Variants in CACNA1B observed in about 807,000 individuals in gnomAD.
CACNA1B encodes calcium voltage-gated channel subunit alpha1 B, also known as voltage-dependent N-type calcium channel subunit alpha-1B.
CACNA1B carries 70 observed loss-of-function variants against 247.2 expected under a neutral mutation model. The ratio of observed to expected loss-of-function variants is 0.28; its 90% CI spans 0.23 to 0.35. CACNA1B has a LOEUF of 0.35. Ranked by LOEUF, CACNA1B falls within the 10% of genes least tolerant of loss-of-function variation. The pLI is 1.00. For synonymous variants in CACNA1B, 1,231 were observed against 1,294.4 expected, an observed-to-expected ratio of 0.95 and a Z score of 1.05; for missense variants, 2,367 against 3,197.4, an observed-to-expected ratio of 0.74 and a Z score of 6.26.
chr9:138,058,218 G>A lies in CACNA1B; in HGVS notation c.4276G>A (p.Val1426Met), dbSNP rs2133503903. The A allele has an allele frequency of 6.2e-7, 1 of 1,614,016 alleles. No individual in the cohort carries two copies. The highest frequency in any genetic ancestry group is 1.1e-5 in the South Asian group (1 of 91,092). Residue 1426 changes from valine to methionine, a missense_variant, in exon 28 of 47, where the codon GTG becomes ATG. Coordinates refer to ENST00000371372, the MANE Select transcript of CACNA1B (RefSeq NM_000718.4). The surrounding 1 kb of genome is among the most constrained non-coding windows in gnomAD (Gnocchi z 4.7). ...IITFQEQGDK[V>M]MSECSLEKNE... ...CACCTTCCAGGAGCAGGGGGACAAG[G>A]TGATGTCTGAATGCAGCCTGGAGAA...
intron 6 of CACNA1B, among the ~76,000 whole-genome samples, chr9:137,921,411 A>G (rs900210805): frequency 6.6e-6 from 1 of 151,614 alleles, no homozygotes; most frequent in Non-Finnish European, 1.5e-5. Context: ...TTCGGAGAAC[A>G]TGGTCAGCAC....
chr9:137,993,283 T>A (rs894572783), intron 15 of CACNA1B, among the ~76,000 whole-genome samples: 2 of 151,988 alleles, frequency 1.3e-5, no homozygotes, highest in African/African-American at 4.8e-5. Flanking sequence ...TAAATTTTTT[T>A]AGTTAAAATT....
Position 137,984,131 on chromosome 9 carries a change from G to C in CACNA1B, c.1657-7G>C. 6.3e-7 allele frequency: 1 copy of C among 1,584,392 alleles called. No individual in the cohort carries two copies. The highest frequency in any genetic ancestry group is 1.2e-5 in the South Asian group (1 of 86,474). ...GTGCACCCAAGGCTAATGCCATCCC[G>C]TTGCAGGTCATCGTGGGGAGCGTCT... On this transcript the variant is annotated splice_region_variant and splice_polypyrimidine_tract_variant and intron_variant, in intron 12 of 46. Transcript: ENST00000371372.
intron 20 of CACNA1B, among the ~76,000 whole-genome samples, chr9:138,041,092 T>C (rs886738179): frequency 6.6e-6 from 1 of 152,216 alleles, no homozygotes; most frequent in Non-Finnish European, 1.5e-5. Flanking sequence ...GTGGGGACTC[T>C]GTAGGCCAAC....
chr9:137,955,714 C>A lies in CACNA1B; in HGVS notation c.1087C>A (p.Arg363=). Residue 363 remains arginine (R), a synonymous_variant, in exon 8 of 47, where the codon CGA becomes AGA. Transcript: ENST00000371372. The surrounding 1 kb of genome is among the most constrained non-coding windows in gnomAD (Gnocchi z 6.9). ...GVLSGEFAKE[R]ERVENRRAFL... The stretch of plus-strand genomic sequence containing the variant: ...GCATGGTAGGGAGTTTGCCAAGGAG[C>A]GAGAGAGGGTGGAGAACCGCCGCGC... 6.2e-7 allele frequency: 1 copy of A among 1,611,882 alleles called. No individual in the cohort carries two copies. The highest frequency in any genetic ancestry group is 8.5e-7 in the Non-Finnish European group (1 of 1,178,830).
intron 15 of CACNA1B, among the ~76,000 whole-genome samples, chr9:137,988,181 C>T (rs1174391530): frequency 6.6e-6 from 1 of 152,214 alleles, no homozygotes; most frequent in Admixed American, 6.5e-5. Flanking sequence ...GGTCTCCCAG[C>T]CACACGACGG....
intron 6 of CACNA1B, among the ~76,000 whole-genome samples, chr9:137,929,357 C>G (rs1387963563): frequency 6.6e-6 from 1 of 151,198 alleles, no homozygotes; most frequent in Admixed American, 6.6e-5. Context: ...AATTTGAGAC[C>G]AGCCTGGGCA....
At chr9:138,117,869 G>T in intron 42 of CACNA1B, 77 bp from the exon 43 acceptor site, 1 of 1,212,404 alleles carries the variant, frequency 8.2e-7, no homozygotes, top group Non-Finnish European at 1.1e-6. Context: ...ACGCCTGGCA[G>T]GTTGAAGCAC....
At chr9:137,929,767 C>A (rs968255621) in intron 6 of CACNA1B, among the ~76,000 whole-genome samples, 2 of 151,994 alleles carry the variant, frequency 1.3e-5, no homozygotes, top group African/African-American at 4.8e-5. Context: ...ATCCTCCCAC[C>A]TCAGCTTGGG....
chr9:137,963,822 C>G (rs1275034554), intron 10 of CACNA1B, among the ~76,000 whole-genome samples: 1 of 152,144 alleles, frequency 6.6e-6, no homozygotes, highest in African/African-American at 2.4e-5. Flanking sequence ...GTTTTTGCAG[C>G]GGCTAGTAAT....
intron 37 of CACNA1B, among the ~76,000 whole-genome samples, chr9:138,099,483 G>C (rs1961176071): frequency 6.6e-6 from 1 of 151,860 alleles, no homozygotes. Context: ...ATGTGCACAT[G>C]CCCGTGTGTG....
intron 3 of CACNA1B, among the ~76,000 whole-genome samples, chr9:137,897,982 TTTAA>T: frequency 6.6e-6 from 1 of 152,346 alleles, no homozygotes; most frequent in East Asian, 1.9e-4. Context: ...GATAAATTTC[TTTAA>T]TTATTCTTTC....
chr9:138,000,319 C>G (rs4876922), intron 15 of CACNA1B, among the ~76,000 whole-genome samples: 17 of 151,938 alleles, frequency 1.1e-4, no homozygotes, highest in Admixed American at 6.6e-4. Flanking sequence ...AGGATGGTCT[C>G]GATCTCCTGA....
chr9:138,086,841 C>T (rs1271959855), intron 36 of CACNA1B, among the ~76,000 whole-genome samples: 2 of 151,308 alleles, frequency 1.3e-5, no homozygotes, highest in Non-Finnish European at 2.9e-5. Context: ...CAGAACTTTT[C>T]ATCCAACCAT....
At chr9:138,008,537 G>T (rs7035007) in intron 16 of CACNA1B, among the ~76,000 whole-genome samples, 43,879 of 152,108 alleles carry the variant, frequency 0.29, 8,972 homozygotes, top group East Asian at 0.64. Context: ...CTGGCCTGGG[G>T]TATGCGCTCC....
At chr9:137,933,555 A>G (rs1957631620) in intron 6 of CACNA1B, among the ~76,000 whole-genome samples, 1 of 152,186 alleles carries the variant, frequency 6.6e-6, no homozygotes, top group Admixed American at 6.5e-5. Context: ...TGTCATTTCC[A>G]TGATTTTGAA....
intron 36 of CACNA1B, among the ~76,000 whole-genome samples, chr9:138,080,409 G>A (rs1351239393): frequency 6.6e-6 from 1 of 152,176 alleles, no homozygotes; most frequent in Non-Finnish European, 1.5e-5. Context: ...GGCAGTGAGT[G>A]ATGCCATCGG....
chr9:137,883,571 A>C (rs776033405), intron 3 of CACNA1B, among the ~76,000 whole-genome samples: 1 of 148,780 alleles, frequency 6.7e-6, no homozygotes, highest in Non-Finnish European at 1.5e-5. Context: ...TAACTCCCCA[A>C]CCTGTGCAGT....
intron 40 of CACNA1B, 52 bp downstream of exon 40, chr9:138,112,557 C>G (rs1961678282): frequency 1.6e-6 from 2 of 1,244,706 alleles, no homozygotes; most frequent in South Asian, 2.4e-5. Context: ...CTGTCCCACC[C>G]AGAGTGGCTG....
Sources: gnomAD v4.1 joint callset for allele counts (sites outside exome capture counted in the v4.1 genomes callset) on GRCh38, gnomAD v4.1.1 for gene constraint, Gnocchi (gnomAD v3.1) non-coding constraint, MANE v1.5 for transcripts, NCBI Gene and HGNC (gene_info 2026-07-23, HGNC 2026-07-21) for gene names.